Variants in RAPGEF2 observed in about 807,000 individuals in gnomAD.
RAPGEF2 encodes the protein Rap guanine nucleotide exchange factor 2, also known as PDZ domain containing guanine nucleotide exchange factor (GEF) 1.
A neutral mutation model predicts 186.7 loss-of-function variants in RAPGEF2; 54 were observed. That is an observed-to-expected ratio of 0.29 (90% CI 0.23 to 0.36). The LOEUF (loss-of-function observed/expected upper bound fraction) is 0.36. Among genes scored for constraint, RAPGEF2 ranks in the 10% least tolerant of loss-of-function variants. The probability of loss-of-function intolerance (pLI) is 1.00; values close to 1 mark genes in which losing one functional copy is unlikely to be tolerated. For synonymous variants in RAPGEF2, 712 were observed against 705.9 expected, an observed-to-expected ratio of 1.01 and a Z score of -0.14; for missense variants, 1,532 against 2,045.0, an observed-to-expected ratio of 0.75 and a Z score of 4.84.
At chr4:159,287,594 A>G (rs1427920645) in intron 7 of RAPGEF2, among the ~76,000 whole-genome samples, 1 of 152,152 alleles carries the variant, frequency 6.6e-6, no homozygotes, top group Admixed American at 6.5e-5. Flanking sequence ...TATTTAATGT[A>G]TGTATATCAT....
rs1489513699 is a variant in RAPGEF2, at chr4:159,322,392, T to C, written c.899T>C (p.Met300Thr). Residue 300 changes from methionine (M) to threonine (T), a missense_variant, in exon 10 of 30, where the codon ATG becomes ACG. By Grantham distance (81) the Met-to-Thr change is moderately conservative (BLOSUM62 -1). Transcript: ENST00000691494. ...CACCAGTTGCCTGCTTTTGCCAATA[T>C]GACAATGTCAGTGAGGCGAGAACTC... Reference protein sequence around the residue: ...FMHQLPAFANMTMSVRRELCA... With the variant: ...FMHQLPAFANTTMSVRRELCA... 8 of 1,613,952 alleles carry C rather than the reference T, an allele frequency of 5.0e-6. No individual in the cohort carries two copies. The highest frequency in any genetic ancestry group is 6.8e-6 in the Non-Finnish European group (8 of 1,179,962).
chr4:159,341,184 C>T (rs1490023495), intron 19 of RAPGEF2, among the ~76,000 whole-genome samples: 2 of 152,284 alleles, frequency 1.3e-5, no homozygotes, highest in Middle Eastern at 3.4e-3. Context: ...AGAGTGATGA[C>T]GTACTTGGGT....
chr4:159,329,673 G>T, intron 11 of RAPGEF2, 185 bp from the exon 12 acceptor site: 3 of 391,666 alleles, frequency 7.7e-6, no homozygotes, highest in Non-Finnish European at 1.3e-5. Flanking sequence ...AACTTTTCTT[G>T]ACCAAGGAAG....
At chr4:159,178,555 T>TTG (rs1243756534) in intron 1 of RAPGEF2, among the ~76,000 whole-genome samples, 3 of 133,978 alleles carry the variant, frequency 2.2e-5, no homozygotes, top group African/African-American at 8.7e-5. Context: ...ATTATGCTTT[T>TTG]TTTTTTTTTT....
At chr4:159,285,933 ACT>A (rs752027030) in intron 7 of RAPGEF2, among the ~76,000 whole-genome samples, 2 of 151,968 alleles carry the variant, frequency 1.3e-5, no homozygotes, top group African/African-American at 2.4e-5. Flanking sequence ...AAAAATTAAG[ACT>A]CTATATTTAA....
intron 7 of RAPGEF2, among the ~76,000 whole-genome samples, chr4:159,303,622 T>C (rs1303728090): frequency 6.6e-6 from 1 of 151,120 alleles, no homozygotes; most frequent in African/African-American, 2.5e-5. Context: ...GCTCGGTAAA[T>C]ATTTGTCAAA....
chr4:159,289,150 A>T (rs1760876620), intron 7 of RAPGEF2, among the ~76,000 whole-genome samples: 1 of 151,998 alleles, frequency 6.6e-6, no homozygotes, highest in South Asian at 2.1e-4. Flanking sequence ...GGGAGCAGGG[A>T]TTTTGCTAAT....
chr4:159,231,350 T>C (rs568139566), intron 4 of RAPGEF2, among the ~76,000 whole-genome samples: 1 of 152,238 alleles, frequency 6.6e-6, no homozygotes, highest in South Asian at 2.1e-4. Flanking sequence ...TGACTGTATG[T>C]TAATATATAT....
intron 1 of RAPGEF2, among the ~76,000 whole-genome samples, chr4:159,161,236 G>A (rs185769139): frequency 7.9e-5 from 12 of 152,264 alleles, no homozygotes; most frequent in Admixed American, 7.2e-4. Flanking sequence ...ATTGAACTTC[G>A]TAATAATATT....
intron 1 of RAPGEF2, among the ~76,000 whole-genome samples, chr4:159,125,951 C>T (rs1024451931): frequency 6.6e-6 from 1 of 152,004 alleles, no homozygotes; most frequent in African/African-American, 2.4e-5. Flanking sequence ...CAGTATCTTG[C>T]CAGTGATGTT....
At chr4:159,256,808 T>C (rs879698138) in intron 7 of RAPGEF2, among the ~76,000 whole-genome samples, 4 of 152,164 alleles carry the variant, frequency 2.6e-5, no homozygotes, top group Non-Finnish European at 5.9e-5. Flanking sequence ...GATGTTTGAG[T>C]TTTTTTCATG....
Position 159,220,663 on chromosome 4 carries a change from TA to T in RAPGEF2, c.281+10081del, listed in dbSNP as rs554671030. On this transcript the variant is annotated intron_variant, in intron 4 of 29. Transcript: ENST00000691494. Reference sequence around the variant, plus strand: ...CACCACATTGTTATCACCTTCCCCCTACTCTGTGAATTTCTTTGGGAAGTCT... The same window carrying T: ...CACCACATTGTTATCACCTTCCCCCTCTCTGTGAATTTCTTTGGGAAGTCT... Among the ~76,000 whole-genome samples the T allele has an allele frequency of 7.2e-5, 11 of 152,326 alleles. 1 individual carries two copies. The South Asian group carries it at 2.3e-3, about 32-fold the overall frequency.
chr4:159,283,206 G>C (rs939650044), intron 7 of RAPGEF2, among the ~76,000 whole-genome samples: 1 of 152,046 alleles, frequency 6.6e-6, no homozygotes, highest in African/African-American at 2.4e-5. Flanking sequence ...AGTACCTTTG[G>C]TTAATGATAA....
chr4:159,194,720 TAA>T (rs1748454723), intron 3 of RAPGEF2, among the ~76,000 whole-genome samples: 1 of 152,190 alleles, frequency 6.6e-6, no homozygotes, highest in Admixed American at 6.5e-5. Flanking sequence ...AATCAAAATC[TAA>T]AGTTTATTCA....
chr4:159,282,309 T>C (rs1199909000), intron 7 of RAPGEF2, among the ~76,000 whole-genome samples: 1 of 152,236 alleles, frequency 6.6e-6, no homozygotes, highest in African/African-American at 2.4e-5. Flanking sequence ...CTTTACACAT[T>C]GATGCTGGTT....
chr4:159,151,563 A>G (rs1162955870), intron 1 of RAPGEF2, among the ~76,000 whole-genome samples: 1 of 152,256 alleles, frequency 6.6e-6, no homozygotes, highest in Admixed American at 6.5e-5. Flanking sequence ...CGGAATAAAT[A>G]AAATGTGCTA....
At chr4:159,179,637 A>G (rs1228586306) in intron 1 of RAPGEF2, among the ~76,000 whole-genome samples, 1 of 152,138 alleles carries the variant, frequency 6.6e-6, no homozygotes, top group African/African-American at 2.4e-5. Context: ...CCAACTAATT[A>G]TTTTAAGAAA....
intron 3 of RAPGEF2, among the ~76,000 whole-genome samples, chr4:159,201,025 C>T (rs1019774642): frequency 1.3e-5 from 2 of 152,082 alleles, no homozygotes; most frequent in African/African-American, 4.8e-5. Context: ...TAAAATTTGG[C>T]GTATACTTCA....
intron 11 of RAPGEF2, chr4:159,326,624 T>A (rs1765960653): frequency 6.6e-6 from 1 of 152,208 alleles, no homozygotes; most frequent in African/African-American, 2.4e-5. Context: ...CTCTTCCAGT[T>A]CTCCCACTTC....
Sources: allele counts gnomAD v4.1 joint callset (sites outside exome capture counted in the v4.1 genomes callset), GRCh38; gene constraint gnomAD v4.1.1; transcripts MANE v1.5; gene names NCBI Gene and HGNC (gene_info 2026-07-23, HGNC 2026-07-21).